Variants in ZNF7 observed in about 807,000 individuals in gnomAD.
ZNF7 encodes the protein C2-H2 type zinc finger protein.
In ZNF7, 10 loss-of-function variants were observed where a neutral mutation model predicts 12.0. The observed-to-expected ratio is 0.83, with a 90% confidence interval of 0.51 to 1.42. The LOEUF (loss-of-function observed/expected upper bound fraction) is 1.42, where lower values mean the gene tolerates loss of function less well. Among genes scored for constraint, ZNF7 ranks in the 40% most tolerant of loss-of-function variants. The pLI is 0.00. For missense variants in ZNF7, 854 were observed against 837.2 expected (o/e 1.02, Z -0.25); for synonymous variants, 334 against 295.0 (o/e 1.13, Z -1.35).
intron 3 of ZNF7, among the ~76,000 whole-genome samples, chr8:144,833,034 C>G (rs1586796783): frequency 6.6e-6 from 1 of 152,056 alleles, no homozygotes; most frequent in South Asian, 2.1e-4. Context: ...CTCATCTCTA[C>G]TAAAAATACA....
In ZNF7 at chr8:144,843,216, A is replaced by AACTT. The variant is rs763144658; in HGVS notation, c.*54_*57dup. 4 of 1,501,492 alleles carry AACTT rather than the reference A, an allele frequency of 2.7e-6. No homozygotes were observed. The highest frequency in any genetic ancestry group is 1.4e-5 in the African/African-American group (1 of 71,326). The allele number at this position is 1,501,492 out of a possible 1,614,324, so 93.0% of individuals were successfully genotyped here. On this transcript the variant is annotated 3_prime_UTR_variant, in exon 5 of 5. Transcript: ENST00000532777. ...TATATGTGAATAAACCTATAGCCTT[A>AACTT]ACTTACTTATTTTATATGGAATCGT...
Position 144,843,376 on chromosome 8 carries a change from T to C in ZNF7, c.*208T>C. On this transcript the variant is annotated 3_prime_UTR_variant, in exon 5 of 5. Coordinates refer to ENST00000532777, the MANE Select transcript of ZNF7 (RefSeq NM_003416.4). ...AGGCCAAGGCGGGCACATCACGAGG[T>C]CAGGAGGTTGAGACCATCCTGGGTA... is the stretch of plus-strand genomic sequence containing the variant. 1.9e-6 allele frequency: 1 copy of C among 539,512 alleles called. No individual in the cohort carries two copies. The highest frequency in any genetic ancestry group is 3.1e-6 in the Non-Finnish European group (1 of 323,282). 33.4% of individuals were successfully genotyped at this position (539,512 alleles called of 1,614,324 possible). A position where few individuals can be genotyped will look rare whatever the true frequency, so the allele number is the denominator to read the frequency against.
intron 1 of ZNF7, 182 bp from the exon 2 acceptor site, chr8:144,828,861 G>C (rs1348968681): frequency 1.4e-6 from 1 of 711,370 alleles, no homozygotes; most frequent in Non-Finnish European, 2.3e-6. Flanking sequence ...CTCTAAAGAG[G>C]AACAAGAGTT....
chr8:144,846,528 G>A (rs1735404), downstream of ZNF7: 73,764 of 209,754 alleles, frequency 0.35, 13,375 homozygotes, highest in South Asian at 0.44. Flanking sequence ...CTTGGAAAAT[G>A]ACTTCATGCC....
At chr8:144,833,524 G>A (rs1413606037) in intron 3 of ZNF7, among the ~76,000 whole-genome samples, 4 of 151,702 alleles carry the variant, frequency 2.6e-5, no homozygotes, top group African/African-American at 9.7e-5. Context: ...ACTCAGGCAT[G>A]TGCCACCACA....
intron 3 of ZNF7, chr8:144,834,796 A>G (rs888732609): frequency 8.8e-5 from 13 of 147,562 alleles, no homozygotes; most frequent in African/African-American, 2.8e-4. Flanking sequence ...GCTGGAGTGC[A>G]GTGGCGTGAT....
intron 4 of ZNF7, among the ~76,000 whole-genome samples, chr8:144,839,527 G>T (rs1829576530): frequency 6.6e-6 from 1 of 152,252 alleles, no homozygotes; most frequent in Non-Finnish European, 1.5e-5. Flanking sequence ...AGCTACAGTT[G>T]GCAGAAATAG....
In ZNF7 at chr8:144,837,466, A is replaced by G. The variant is rs929473029; in HGVS notation, c.206A>G (p.Gln69Arg). The change falls in exon 4 of 5, where the codon CAG becomes CGG. Residue 69 changes from glutamine (Q) to arginine (R), a missense_variant. Gln to Arg is a conservative substitution (Grantham distance 43, BLOSUM62 1). Transcript: ENST00000532777. ...GAAGAGCCATGGGTCCTCGACCTGC[A>G]GGGAGCAGAGGGGACAGAGGCACCA... ...QGEEPWVLDL[Q>R]GAEGTEAPRT... 7 of 1,612,674 alleles carry G rather than the reference A, an allele frequency of 4.3e-6. No individual in the cohort carries two copies. Among genetic ancestry groups the G allele is most frequent in the African/African-American group, 1.3e-5 (1 of 75,054 alleles).
rs1021116156 is a variant in ZNF7 at position 144,841,560 on chromosome 8, C to T, written c.453C>T (p.Asn151=). The stretch of plus-strand genomic sequence containing the variant: ...TGACAGGCTTTACCTTCCAAAATAA[C>T]TGTTTGAATGAGGAGACTGTGGTTC... ...LKVTGFTFQN[N]CLNEETVVPK... Residue 151 remains asparagine, a synonymous_variant, in exon 5 of 5, where the codon AAC becomes AAT. Transcript: ENST00000532777. 1.2e-6 allele frequency: 2 copies of T among 1,614,076 alleles called. No homozygotes were observed. The highest frequency in any genetic ancestry group is 2.7e-5 in the African/African-American group (2 of 75,028).
chr8:144,841,872 T>G lies in ZNF7; in HGVS notation c.765T>G (p.Cys255Trp). The change falls in exon 5 of 5, where the codon TGT (cysteine) becomes TGG (tryptophan). Residue 255 changes from cysteine (C) to tryptophan (W), a missense_variant. Transcript: ENST00000532777. ...HGEKPYECAE[C>W]GKVFRLCSQL... ...AGAAGCCGTACGAATGTGCAGAGTGTGGGAAAGTCTTCAGGCTCTGCTCGC... is the reference window on the plus strand; with the variant it reads ...AGAAGCCGTACGAATGTGCAGAGTGGGGGAAAGTCTTCAGGCTCTGCTCGC... 6.2e-7 allele frequency: 1 copy of G among 1,614,070 alleles called. No homozygotes were observed. The highest frequency in any genetic ancestry group is 1.1e-5 in the South Asian group (1 of 91,086).
intron 3 of ZNF7, 124 bp from the exon 4 acceptor site, chr8:144,837,267 A>C: frequency 1.4e-6 from 1 of 704,654 alleles, no homozygotes; most frequent in Non-Finnish European, 2.4e-6. Flanking sequence ...CTCTCCCTGC[A>C]GGAGCTTGGC....
In ZNF7 at chr8:144,829,461, G is replaced by A. The variant is rs1828182627; in HGVS notation, c.4-17G>A. On this transcript the variant is annotated splice_polypyrimidine_tract_variant and intron_variant, in intron 2 of 4. Transcript: ENST00000532777. ...GGCACCCAGGGATTCCTGGGGTGCT[G>A]GTGTGTGTCCTTTCAGGAGGTGGTA... The A allele has an allele frequency of 6.2e-7, 1 of 1,613,884 alleles. No homozygotes were observed. The highest frequency in any genetic ancestry group is 1.3e-5 in the African/African-American group (1 of 74,952).
intron 4 of ZNF7, 132 bp from the exon 5 acceptor site, chr8:144,841,223 G>GT: frequency 1.1e-6 from 1 of 894,262 alleles, no homozygotes; most frequent in Non-Finnish European, 1.7e-6. Flanking sequence ...TCTCTTGCAC[G>GT]TTTCCACCTG....
intron 4 of ZNF7, among the ~76,000 whole-genome samples, chr8:144,839,920 GCT>G (rs1829644625): frequency 6.6e-6 from 1 of 152,170 alleles, no homozygotes; most frequent in South Asian, 2.1e-4. Context: ...GCTTGGCCCT[GCT>G]CTCTCTGCCG....
chr8:144,843,363 G>C lies in ZNF7; in HGVS notation c.*195G>C. ...CCAGCACTTTGGGAGGCCAAGGCGG[G>C]CACATCACGAGGTCAGGAGGTTGAG... is the stretch of plus-strand genomic sequence containing the variant. On this transcript the variant is annotated 3_prime_UTR_variant, in exon 5 of 5. Coordinates refer to ENST00000532777, the MANE Select transcript of ZNF7 (RefSeq NM_003416.4). The C allele has an allele frequency of 1.7e-6, 1 of 589,652 alleles. No individual in the cohort carries two copies. The highest frequency in any genetic ancestry group is 2.8e-6 in the Non-Finnish European group (1 of 363,250). The allele number at this position is 589,652 out of a possible 1,614,324, so 36.5% of individuals were successfully genotyped here. A position where few individuals can be genotyped will look rare whatever the true frequency, so the allele number is the denominator to read the frequency against.
intron 4 of ZNF7, among the ~76,000 whole-genome samples, chr8:144,839,466 G>T (rs1432266756): frequency 1.3e-5 from 2 of 152,252 alleles, no homozygotes; most frequent in African/African-American, 4.8e-5. Context: ...CCATTAAAAT[G>T]TCTCCAACAT....
At position 144,842,161 on chromosome 8, in the gene ZNF7, C is replaced by T. The variant is rs775288270; in HGVS notation, c.1054C>T (p.His352Tyr). Residue 352 changes from histidine (H) to tyrosine (Y), a missense_variant, in exon 5 of 5, where the codon CAC becomes TAC. Coordinates refer to ENST00000532777, the MANE Select transcript of ZNF7 (RefSeq NM_003416.4). The part of the protein sequence containing the change: ...AFSQQSQLVR[H>Y]QRTHTGERPY... ...CAGCCAGCAGTCGCAGCTGGTTAGA[C>T]ACCAGAGAACTCACACTGGGGAGAG... The T allele has an allele frequency of 2.5e-6, 4 of 1,614,036 alleles. No homozygotes were observed. Among genetic ancestry groups the T allele is most frequent in the Admixed American group, 1.7e-5 (1 of 60,008 alleles).
At chr8:144,845,867 C>T (rs1224814502), downstream of ZNF7, 10 of 1,058,914 alleles carry the variant, frequency 9.4e-6, no homozygotes, top group East Asian at 1.6e-4. Context: ...GTGCAGTGTC[C>T]CTGCCTTGCG....
In ZNF7 at chr8:144,829,515, C is replaced by G. The variant is rs1452413467; in HGVS notation, c.41C>G (p.Ser14Cys). ...TTTGGCGATGTGGCTGTGCACTTCT[C>G]TCGGGAGGAGTGGCAGTGTCTGGAC... ...VTFGDVAVHF[S>C]REEWQCLDPG... The change falls in exon 3 of 5, where the codon TCT (serine) becomes TGT (cysteine). Residue 14 changes from serine to cysteine, a missense_variant. Transcript: ENST00000532777. 2 of 1,614,140 alleles carry G rather than the reference C, an allele frequency of 1.2e-6. No homozygotes were observed. The highest frequency in any genetic ancestry group is 1.1e-5 in the South Asian group (1 of 91,082).
Sources: allele counts gnomAD v4.1 joint callset (sites outside exome capture counted in the v4.1 genomes callset), GRCh38; gene constraint gnomAD v4.1.1; transcripts MANE v1.5; gene names NCBI Gene and HGNC (gene_info 2026-07-23, HGNC 2026-07-21).